The following KCNIP4 variants were observed in gnomAD, a reference collection of about 807,000 sequenced individuals.
KCNIP4 encodes the protein Kv channel-interacting protein 4.
In KCNIP4, 12 loss-of-function variants were observed where a neutral mutation model predicts 34.0. That is an observed-to-expected ratio of 0.35 (90% CI 0.23 to 0.57). KCNIP4 has a LOEUF of 0.57. KCNIP4 is among the 20% of genes least tolerant of loss of function. The pLI is 0.83. For synonymous variants in KCNIP4, 124 were observed against 102.2 expected (o/e 1.21, Z -1.29); for missense variants, 238 against 311.7 (o/e 0.76, Z 1.78).
rs368086845 is a variant in KCNIP4, at chr4:21,106,576, G to GTT, written c.62-223869_62-223868dup. ...CCTGGATTCATTAATTTTTTGAAGGGTTTTTTGTGTCTCTATTTCCTTCAG... is the reference window on the plus strand; with the variant it reads ...CCTGGATTCATTAATTTTTTGAAGGGTTTTTTTTGTGTCTCTATTTCCTTCAG... On this transcript the variant is annotated intron_variant, in intron 1 of 8. Transcript: ENST00000382152. Among the ~76,000 whole-genome samples, 12 of 151,058 alleles carry GTT rather than the reference G, an allele frequency of 7.9e-5. 1 individual carries two copies. Among genetic ancestry groups the GTT allele is most frequent in the East Asian group, 3.9e-4 (2 of 5,152 alleles).
chr4:21,502,529 A>AT (rs538273289), intron 1 of KCNIP4, among the ~76,000 whole-genome samples: 2 of 151,440 alleles, frequency 1.3e-5, no homozygotes, highest in Non-Finnish European at 2.9e-5. Flanking sequence ...TTCAAAATTT[A>AT]TTTTTTTTCT....
chr4:20,980,141 G>T (rs1202674380), intron 1 of KCNIP4, among the ~76,000 whole-genome samples: 1 of 152,194 alleles, frequency 6.6e-6, no homozygotes, highest in African/African-American at 2.4e-5. Flanking sequence ...CATGGCCTGG[G>T]CCTATGCCCA....
chr4:21,103,918 C>T (rs1748216739), intron 1 of KCNIP4, among the ~76,000 whole-genome samples: 2 of 151,922 alleles, frequency 1.3e-5, no homozygotes, highest in Non-Finnish European at 2.9e-5. Context: ...ATGAACTCAT[C>T]ATTTTTTATG....
intron 1 of KCNIP4, among the ~76,000 whole-genome samples, chr4:21,038,016 C>T (rs1741606303): frequency 6.6e-6 from 1 of 152,180 alleles, no homozygotes; most frequent in African/African-American, 2.4e-5. Context: ...CGGAGTCTCG[C>T]TCTGTCGCCC....
At position 21,140,556 on chromosome 4, in the gene KCNIP4, C is replaced by A. The variant is rs116585078; in HGVS notation, c.62-257847G>T. 9.9e-3 allele frequency among the ~76,000 whole-genome samples: 1,506 copies of A among 152,202 alleles called. 27 individuals are homozygous for A. Among genetic ancestry groups the A allele is most frequent in the African/African-American group, 0.034 (1,425 of 41,542 alleles). On this transcript the variant is annotated intron_variant, in intron 1 of 8. Coordinates refer to ENST00000382152, the MANE Select transcript of KCNIP4 (RefSeq NM_025221.6). The stretch of plus-strand genomic sequence containing the variant: ...TATGCTAATAATTTTCTGTCTCCTC[C>A]AACGCACCCCGCTATTCTAAAAACC...
intron 1 of KCNIP4, among the ~76,000 whole-genome samples, chr4:21,169,678 G>A (rs1365373943): frequency 2.0e-5 from 3 of 151,102 alleles, no homozygotes; most frequent in African/African-American, 7.3e-5. Flanking sequence ...GTGTGTGTGT[G>A]TGTGTGTGTG....
At chr4:21,834,468 C>A (rs1723193397) in intron 1 of KCNIP4, among the ~76,000 whole-genome samples, 1 of 152,146 alleles carries the variant, frequency 6.6e-6, no homozygotes, top group African/African-American at 2.4e-5. Flanking sequence ...GTTGAAGTTG[C>A]TTATCAGCTT....
At chr4:21,834,068 TA>T (rs1354250639) in intron 1 of KCNIP4, among the ~76,000 whole-genome samples, 1 of 152,114 alleles carries the variant, frequency 6.6e-6, no homozygotes, top group African/African-American at 2.4e-5. Flanking sequence ...TTGACTTGGC[TA>T]TGTGGGCTCT....
chr4:21,224,213 A>G (rs1758190170), intron 1 of KCNIP4, among the ~76,000 whole-genome samples: 1 of 152,054 alleles, frequency 6.6e-6, no homozygotes, highest in Non-Finnish European at 1.5e-5. Context: ...AACAATAGAA[A>G]TTTATTTCTC....
intron 3 of KCNIP4, among the ~76,000 whole-genome samples, chr4:20,760,556 A>G (rs944640010): frequency 6.6e-5 from 10 of 152,320 alleles, no homozygotes; most frequent in South Asian, 4.1e-4. Flanking sequence ...AACAGTGTTA[A>G]CAGTTTCAAT....
At chr4:21,633,948 C>T (rs1011429649) in intron 1 of KCNIP4, among the ~76,000 whole-genome samples, 1 of 151,936 alleles carries the variant, frequency 6.6e-6, no homozygotes, top group Non-Finnish European at 1.5e-5. Context: ...CTCATATCTG[C>T]TTCTGGATTT....
intron 1 of KCNIP4, among the ~76,000 whole-genome samples, chr4:20,924,764 A>G (rs1729732650): frequency 6.6e-6 from 1 of 152,202 alleles, no homozygotes; most frequent in Non-Finnish European, 1.5e-5. Flanking sequence ...TTAAATTAAT[A>G]CATGCATTCA....
chr4:21,709,130 C>A (rs74286721), intron 1 of KCNIP4, among the ~76,000 whole-genome samples: 2,647 of 148,454 alleles, frequency 0.018, 76 homozygotes, highest in African/African-American at 0.054. Flanking sequence ...GTGAGATCCC[C>A]AAAAAAAAAC....
chr4:21,429,861 T>C (rs774704902), intron 1 of KCNIP4, among the ~76,000 whole-genome samples: 41 of 152,340 alleles, frequency 2.7e-4, no homozygotes, highest in Admixed American at 9.2e-4. Context: ...CTAACTTTTC[T>C]TTCAATACAA....
chr4:21,354,264 C>T (rs1225626190), intron 1 of KCNIP4, among the ~76,000 whole-genome samples: 2 of 152,168 alleles, frequency 1.3e-5, no homozygotes, highest in Non-Finnish European at 2.9e-5. Context: ...AACCAGATAA[C>T]ATCATAATGA....
chr4:21,376,239 T>G (rs941486701), intron 1 of KCNIP4, among the ~76,000 whole-genome samples: 4 of 152,200 alleles, frequency 2.6e-5, no homozygotes, highest in Non-Finnish European at 5.9e-5. Context: ...TTGTGAAACC[T>G]AATATAATCT....
chr4:21,786,812 C>T (rs543399726), intron 1 of KCNIP4, among the ~76,000 whole-genome samples: 7 of 152,006 alleles, frequency 4.6e-5, no homozygotes, highest in East Asian at 1.9e-4. Flanking sequence ...ATGATCCGCC[C>T]GCCTCGGCCT....
intron 1 of KCNIP4, among the ~76,000 whole-genome samples, chr4:21,842,569 T>C (rs1037669102): frequency 1.3e-5 from 2 of 152,150 alleles, no homozygotes; most frequent in Non-Finnish European, 2.9e-5. Flanking sequence ...ACAAATACTT[T>C]TACGCATTTT....
At chr4:21,741,124 C>T (rs1455774576) in intron 1 of KCNIP4, among the ~76,000 whole-genome samples, 1 of 152,092 alleles carries the variant, frequency 6.6e-6, no homozygotes, top group Non-Finnish European at 1.5e-5. Context: ...ATATAAGAGG[C>T]ACCATTTTGT....
Sources: gnomAD v4.1 joint callset for allele counts (sites outside exome capture counted in the v4.1 genomes callset) on GRCh38, gnomAD v4.1.1 for gene constraint, MANE v1.5 for transcripts, NCBI Gene and HGNC (gene_info 2026-07-23, HGNC 2026-07-21) for gene names.